Variants in LARP4B observed in about 807,000 individuals in gnomAD.
LARP4B encodes La ribonucleoprotein 4B.
A neutral mutation model predicts 89.8 loss-of-function variants in LARP4B; 12 were observed. The ratio of observed to expected loss-of-function variants is 0.13; its 90% CI spans 0.09 to 0.22. The LOEUF (loss-of-function observed/expected upper bound fraction) is 0.22, where lower values mean the gene tolerates loss of function less well. Ranked by LOEUF, LARP4B falls within the 10% of genes least tolerant of loss-of-function variation. The probability of loss-of-function intolerance (pLI) is 1.00; values close to 1 mark genes in which losing one functional copy is unlikely to be tolerated. For synonymous variants in LARP4B, 367 were observed against 363.3 expected, an observed-to-expected ratio of 1.01 and a Z score of -0.12; for missense variants, 757 against 947.7, an observed-to-expected ratio of 0.80 and a Z score of 2.64.
intron 3 of LARP4B, among the ~76,000 whole-genome samples, chr10:866,124 C>A (rs544468183): frequency 3.7e-4 from 57 of 152,322 alleles, no homozygotes; most frequent in Non-Finnish European, 6.5e-4. Flanking sequence ...CGTTCCTGCT[C>A]CCCCAGTCAC....
the LARP4B span, among the ~76,000 whole-genome samples, chr10:974,321 C>T: frequency 5.1e-4 from 78 of 152,176 alleles, no homozygotes; most frequent in African/African-American, 1.8e-3. Context: ...GGAGTGTTCC[C>T]TGGGGAGTTT....
chr10:922,266 G>C (rs1164807062), intron 1 of LARP4B, among the ~76,000 whole-genome samples: 1 of 152,224 alleles, frequency 6.6e-6, no homozygotes, highest in South Asian at 2.1e-4. Flanking sequence ...AGCTCAGGCA[G>C]TAATGCTCAC....
the LARP4B span, among the ~76,000 whole-genome samples, chr10:948,733 C>A: frequency 6.6e-6 from 1 of 152,228 alleles, no homozygotes; most frequent in Admixed American, 6.5e-5. Flanking sequence ...CAAGAATGTT[C>A]TATAAATGGA....
At chr10:832,606 C>A (rs80181053) in intron 8 of LARP4B, among the ~76,000 whole-genome samples, 5,384 of 152,260 alleles carry the variant, frequency 0.035, 225 homozygotes, top group African/African-American at 0.1. Context: ...AGACTTATTA[C>A]ATACAGAAGG....
chr10:934,077 C>T (rs1158040905), upstream of LARP4B, among the ~76,000 whole-genome samples: 1 of 152,010 alleles, frequency 6.6e-6, no homozygotes, highest in Admixed American at 6.6e-5. Context: ...CGTGATCCGC[C>T]TGCCTCAGCC....
In LARP4B at chr10:811,643, C is replaced by T. The variant is rs2131584355; in HGVS notation, c.*1283G>A. The T allele has an allele frequency of 6.6e-6, 1 of 152,488 alleles. No homozygotes were observed. The highest frequency in any genetic ancestry group is 6.5e-5 in the Admixed American group (1 of 15,280). The allele number at this position is 152,488 out of a possible 1,614,324, so 9.4% of individuals were successfully genotyped here. ...TTTCAAGTTTAAATAAAATTCAAGT[C>T]TTTAAATATTGGATGGAAATAATTT... is the stretch of plus-strand genomic sequence containing the variant. On this transcript the variant is annotated 3_prime_UTR_variant, in exon 18 of 18. Coordinates refer to ENST00000316157, the MANE Select transcript of LARP4B (RefSeq NM_015155.3).
intron 1 of LARP4B, among the ~76,000 whole-genome samples, chr10:926,484 A>G (rs1837136134): frequency 6.6e-6 from 1 of 152,204 alleles, no homozygotes; most frequent in African/African-American, 2.4e-5. Context: ...GCAGGGCAAG[A>G]AGGAAGACAC....
intron 1 of LARP4B, among the ~76,000 whole-genome samples, chr10:900,635 T>C (rs1218788568): frequency 6.7e-6 from 1 of 148,710 alleles, no homozygotes; most frequent in Admixed American, 6.7e-5. Context: ...TTTTTTTTTT[T>C]GTGAGAAGCA....
chr10:922,008 C>T lies in LARP4B; in HGVS notation c.-40+9420G>A, dbSNP rs138887602. Among the ~76,000 whole-genome samples the T allele has an allele frequency of 6.4e-3, 976 of 152,226 alleles. 2 individuals carry two copies. The highest frequency in any genetic ancestry group is 1.0e-2 in the African/African-American group (415 of 41,530). On this transcript the variant is annotated intron_variant, in intron 1 of 17. Coordinates refer to ENST00000316157, the MANE Select transcript of LARP4B (RefSeq NM_015155.3). The stretch of plus-strand genomic sequence containing the variant: ...GGTCAGTACTCCAAGTCAGCGGTAA[C>T]CAATCTTTTTTGGCACCAGGGACTG...
chr10:956,385 C>A, the LARP4B span, among the ~76,000 whole-genome samples: 2 of 151,694 alleles, frequency 1.3e-5, no homozygotes, highest in Admixed American at 6.6e-5. This position sits in a 1 kb window ranked among gnomAD's most constrained non-coding sequence, Gnocchi z 4.3. Context: ...TCACTGTGTC[C>A]CCCAGGCTGG....
At chr10:827,040 C>T (rs558058170) in intron 11 of LARP4B, among the ~76,000 whole-genome samples, 2 of 152,202 alleles carry the variant, frequency 1.3e-5, no homozygotes, top group South Asian at 4.1e-4. Context: ...TTTGGGAGGC[C>T]AAGGGGGGGC....
chr10:985,318 A>G, the LARP4B span: 25 of 152,388 alleles, frequency 1.6e-4, no homozygotes, highest in African/African-American at 6.0e-4. Context: ...TACATAATGC[A>G]TAATTAATAA....
chr10:982,292 A>G, the LARP4B span, among the ~76,000 whole-genome samples: 3 of 152,080 alleles, frequency 2.0e-5, no homozygotes, highest in African/African-American at 7.2e-5. Context: ...GAGTTTTGCC[A>G]TGTTGGCCAG....
At position 817,643 on chromosome 10, in the gene LARP4B, TAA is replaced by T. The variant is rs1832132012; in HGVS notation, c.1695+80_1695+81del. The T allele has an allele frequency of 7.5e-6, 10 of 1,336,218 alleles. No individual in the cohort carries two copies. In the Admixed American group the frequency reaches 1.9e-4, roughly 25 times the overall value. The allele number at this position is 1,336,218 out of a possible 1,614,324, so 82.8% of individuals were successfully genotyped here. ...CTTGAGTATTAAAAACAAACATGTATAAAGAGCTCAGCAAAGCGCCTGACACG... is the reference window on the plus strand; with the variant it reads ...CTTGAGTATTAAAAACAAACATGTATAGAGCTCAGCAAAGCGCCTGACACG... On this transcript the variant is annotated intron_variant, in intron 15 of 17. Transcript: ENST00000316157.
chr10:937,654 T>C, the LARP4B span, among the ~76,000 whole-genome samples: 2 of 151,988 alleles, frequency 1.3e-5, no homozygotes, highest in African/African-American at 2.4e-5. Context: ...ATTCACAAAC[T>C]TATCACGAGG....
chr10:974,081 C>A, the LARP4B span, among the ~76,000 whole-genome samples: 1 of 152,174 alleles, frequency 6.6e-6, no homozygotes, highest in Non-Finnish European at 1.5e-5. Context: ...AGTCGGAGAA[C>A]CTGGGGAGTG....
At chr10:838,697 C>T (rs1833361332) in intron 7 of LARP4B, among the ~76,000 whole-genome samples, 2 of 152,204 alleles carry the variant, frequency 1.3e-5, no homozygotes, top group Non-Finnish European at 2.9e-5. Context: ...TTGGGAGACA[C>T]TTTGGTGGCT....
chr10:902,606 T>C (rs900875392), intron 1 of LARP4B, among the ~76,000 whole-genome samples: 1 of 152,130 alleles, frequency 6.6e-6, no homozygotes, highest in Non-Finnish European at 1.5e-5. Context: ...GTTCACTTCA[T>C]TTAACCTCAA....
chr10:908,094 T>A (rs1836544145), intron 1 of LARP4B, among the ~76,000 whole-genome samples: 1 of 152,116 alleles, frequency 6.6e-6, no homozygotes, highest in Non-Finnish European at 1.5e-5. Context: ...TAATCCCAGC[T>A]ACTTGGGAGG....
Sources: allele counts gnomAD v4.1 joint callset (sites outside exome capture counted in the v4.1 genomes callset), GRCh38; gene constraint gnomAD v4.1.1; non-coding constraint Gnocchi (gnomAD v3.1); transcripts MANE v1.5; gene names NCBI Gene and HGNC (gene_info 2026-07-23, HGNC 2026-07-21).